The following SYT12 variants were observed in gnomAD, a reference collection of about 807,000 sequenced individuals.
The protein encoded by SYT12 is synaptotagmin-12.
Under a neutral mutation model 39.5 loss-of-function variants are expected in SYT12, and 27 were observed. That is an observed-to-expected ratio of 0.68 (90% confidence interval 0.50 to 0.94). The LOEUF (loss-of-function observed/expected upper bound fraction) is 0.94. SYT12 is among the 40% of genes least tolerant of loss of function. The pLI, the probability that SYT12 is intolerant of heterozygous loss-of-function variation, is 0.00. For synonymous variants in SYT12, 233 were observed against 239.7 expected (o/e 0.97, Z 0.26); for missense variants, 536 against 572.6 (o/e 0.94, Z 0.65).
In SYT12 at chr11:67,048,907, G is replaced by C. The variant is rs541544841; in HGVS notation, c.*150G>C. On this transcript the variant is annotated 3_prime_UTR_variant, in exon 8 of 8. Transcript: ENST00000527043. ...TGACCCATCCTGGTCTCTCTGTCCA[G>C]ATTGCAGCAGAGGAGTGGGCGTGGC... is the stretch of plus-strand genomic sequence containing the variant. The C allele has an allele frequency of 1.4e-4, 128 of 905,298 alleles. No homozygotes were observed. Among genetic ancestry groups the C allele is most frequent in the Non-Finnish European group, 2.0e-4 (123 of 614,428 alleles). The allele number at this position is 905,298 out of a possible 1,614,324, so 56.1% of individuals were successfully genotyped here.
At chr11:67,036,608 A>G (rs939125414) in intron 3 of SYT12, among the ~76,000 whole-genome samples, 30 of 152,208 alleles carry the variant, frequency 2.0e-4, no homozygotes, top group African/African-American at 7.2e-4. Flanking sequence ...TGGGGGGACT[A>G]TCTCACACGC....
At chr11:67,048,100 A>G (rs931879800) in intron 7 of SYT12, among the ~76,000 whole-genome samples, 2 of 149,872 alleles carry the variant, frequency 1.3e-5, no homozygotes, top group African/African-American at 2.4e-5. Context: ...CGAAACCCCC[A>G]TCTCTACTAA....
intron 6 of SYT12, 78 bp from the exon 7 acceptor site, chr11:67,045,666 T>C (rs1170116729): frequency 6.4e-7 from 1 of 1,563,118 alleles, no homozygotes; most frequent in Non-Finnish European, 8.7e-7. Flanking sequence ...GAGTTTGGAG[T>C]CGGTGGGTGG....
At chr11:67,039,542 A>AC (rs1950457256) in intron 3 of SYT12, among the ~76,000 whole-genome samples, 1 of 152,164 alleles carries the variant, frequency 6.6e-6, no homozygotes, top group East Asian at 1.9e-4. Flanking sequence ...TGAACCCTGG[A>AC]TGCAGAGGTT....
At chr11:67,023,791 C>T (rs1474649925) in intron 1 of SYT12, among the ~76,000 whole-genome samples, 1 of 152,252 alleles carries the variant, frequency 6.6e-6, no homozygotes, top group Non-Finnish European at 1.5e-5. Context: ...TGACTGTCCT[C>T]ACTGTCCCTG....
Position 67,048,893 on chromosome 11 carries a change from G to A in SYT12, c.*136G>A. ...TGGCAGAGTCCTCATGACCCATCCT[G>A]GTCTCTCTGTCCAGATTGCAGCAGA... On this transcript the variant is annotated 3_prime_UTR_variant, in exon 8 of 8. Transcript: ENST00000527043. The A allele has an allele frequency of 9.7e-7, 1 of 1,027,570 alleles. No individual in the cohort carries two copies. The highest frequency in any genetic ancestry group is 1.4e-6 in the Non-Finnish European group (1 of 716,032). The allele number at this position is 1,027,570 out of a possible 1,614,324, so 63.7% of individuals were successfully genotyped here.
At chr11:67,016,299 A>G (rs1234901592) in intron 3 of SYT12, among the ~76,000 whole-genome samples, 1 of 152,086 alleles carries the variant, frequency 6.6e-6, no homozygotes, top group Non-Finnish European at 1.5e-5. Flanking sequence ...AAATAAATAA[A>G]TAAATAAAAG....
At chr11:67,040,284 G>A in intron 4 of SYT12, 81 bp downstream of exon 4, 2 of 1,508,484 alleles carry the variant, frequency 1.3e-6, no homozygotes, top group South Asian at 2.6e-5. Context: ...GTGGGGCCCG[G>A]CAGGATCCCA....
chr11:67,025,260 G>A (rs557191151), intron 1 of SYT12, among the ~76,000 whole-genome samples: 3 of 152,354 alleles, frequency 2.0e-5, no homozygotes, highest in Admixed American at 2.0e-4. Context: ...CTTAGCACAT[G>A]TTATGTCCAC....
intron 4 of SYT12, among the ~76,000 whole-genome samples, chr11:67,043,161 C>G (rs1040912559): frequency 2.6e-5 from 4 of 152,208 alleles, no homozygotes; most frequent in Non-Finnish European, 5.9e-5. Flanking sequence ...CGAGTTGGCC[C>G]AACCTCGCCT....
rs540293439 is a variant in SYT12 at position 67,041,556 on chromosome 11, AG to A, written c.621+1356del. 2.0e-4 allele frequency among the ~76,000 whole-genome samples: 30 copies of A among 152,314 alleles called. 1 individual carries two copies. The South Asian group carries it at 6.2e-3, about 32-fold the overall frequency. On this transcript the variant is annotated intron_variant, in intron 4 of 7. Transcript: ENST00000527043. ...TGCGGATGGGGTGTGGGGCAGCCTC[AG>A]GGATGGCATGGTACCCTGGAAGGGC...
At position 67,044,346 on chromosome 11, in the gene SYT12, G is replaced by A. The variant is rs899791295; in HGVS notation, c.838-247G>A. The stretch of plus-strand genomic sequence containing the variant: ...TTTGACAGGCCGCCTCTGACCCTCC[G>A]CCCCAGGCAGGACCCTCCCGGTGGA... On this transcript the variant is annotated intron_variant, in intron 5 of 7. Coordinates refer to ENST00000527043, the MANE Select transcript of SYT12 (RefSeq NM_177963.4). Among the ~76,000 whole-genome samples the A allele has an allele frequency of 3.3e-5, 5 of 152,204 alleles. No homozygotes were observed. The East Asian group carries it at 7.7e-4, about 24-fold the overall frequency.
At chr11:67,035,870 CTTT>C (rs1950367929) in intron 3 of SYT12, among the ~76,000 whole-genome samples, 1 of 129,810 alleles carries the variant, frequency 7.7e-6, no homozygotes, top group African/African-American at 3.2e-5. Context: ...TTCTTTCTTT[CTTT>C]CTTTCTTTCC....
intron 1 of SYT12, chr11:67,027,128 A>T (rs1216208467): frequency 6.6e-6 from 1 of 152,312 alleles, no homozygotes; most frequent in Non-Finnish European, 1.5e-5. Flanking sequence ...ACCCTCTAGG[A>T]GCCTCGACCT....
intron 3 of SYT12, 24 bp from the exon 4 acceptor site, chr11:67,039,787 C>T (rs750918684): frequency 4.3e-5 from 68 of 1,585,586 alleles, no homozygotes; most frequent in Non-Finnish European, 5.3e-5. Context: ...ATGATGCTCC[C>T]ACGTCCCTCT....
upstream of SYT12, among the ~76,000 whole-genome samples, chr11:67,019,118 C>T (rs1214698436): frequency 8.0e-6 from 1 of 124,836 alleles, no homozygotes; most frequent in Non-Finnish European, 1.7e-5. Context: ...GCGAAAAGCA[C>T]ATCTTACATG....
chr11:67,039,818 CT>C lies in SYT12; in HGVS notation c.237del (p.Ala80ProfsTer36). On this transcript the variant is annotated frameshift_variant, in exon 4 of 8. Coordinates refer to ENST00000527043, the MANE Select transcript of SYT12 (RefSeq NM_177963.4). LOFTEE classifies it high-confidence loss of function. ...SCAEAREKRV[P>X]AWNAQRASTR... ...CCTCTTTCTCACCCCTAGAGAGTGC[CT>C]GCCTGGAATGCCCAGCGGGCCAGCA... is the stretch of plus-strand genomic sequence containing the variant. 2 of 1,609,926 alleles carry C rather than the reference CT, an allele frequency of 1.2e-6. No individual in the cohort carries two copies. The highest frequency in any genetic ancestry group is 1.7e-6 in the Non-Finnish European group (2 of 1,179,198).
upstream of SYT12, among the ~76,000 whole-genome samples, chr11:67,019,765 G>C (rs977090039): frequency 7.9e-5 from 12 of 151,896 alleles, no homozygotes; most frequent in African/African-American, 2.9e-4. Context: ...ATGCGTGGTG[G>C]CGTGAGCCTG....
chr11:67,036,073 C>G (rs995821320), intron 3 of SYT12, among the ~76,000 whole-genome samples: 2 of 151,286 alleles, frequency 1.3e-5, no homozygotes, highest in African/African-American at 4.9e-5. Context: ...AGCCACCATG[C>G]CTAGCTAATT....
Sources: gnomAD v4.1 joint callset for allele counts (sites outside exome capture counted in the v4.1 genomes callset) on GRCh38, gnomAD v4.1.1 for gene constraint, MANE v1.5 for transcripts, NCBI Gene and HGNC (gene_info 2026-07-23, HGNC 2026-07-21) for gene names.